GPR39: variants seen among roughly 807,000 people sequenced by gnomAD.
The protein encoded by GPR39 is G protein-coupled receptor 39.
In GPR39, 23 loss-of-function variants were observed where a neutral mutation model predicts 18.4. That is an observed-to-expected ratio of 1.25 (90% CI 0.90 to 1.77). GPR39 has a LOEUF of 1.77. GPR39 is among the 40% of genes most tolerant of loss of function. The pLI is 0.00. For missense variants in GPR39, 647 were observed against 602.4 expected (o/e 1.07, Z -0.78); for synonymous variants, 280 against 257.9 (o/e 1.09, Z -0.82).
chr2:132,489,974 A>G (rs1226798923), intron 1 of GPR39, among the ~76,000 whole-genome samples: 2 of 151,768 alleles, frequency 1.3e-5, no homozygotes, highest in Non-Finnish European at 2.9e-5. Context: ...GAGAGAGTTT[A>G]TGGTGAGCAG....
At chr2:132,427,139 TATATA>T (rs1449880887) in intron 1 of GPR39, among the ~76,000 whole-genome samples, 3 of 78,150 alleles carry the variant, frequency 3.8e-5, no homozygotes, top group African/African-American at 2.1e-4. Flanking sequence ...TACATATATA[TATATA>T]TATATATATA....
chr2:132,630,718 T>G (rs77482090), intron 1 of GPR39, among the ~76,000 whole-genome samples: 1,974 of 151,772 alleles, frequency 0.013, 47 homozygotes, highest in African/African-American at 0.045. Flanking sequence ...GTGGGAATGG[T>G]GAGAAAGGGA....
At chr2:132,453,818 C>G (rs1379034815) in intron 1 of GPR39, among the ~76,000 whole-genome samples, 5 of 152,134 alleles carry the variant, frequency 3.3e-5, no homozygotes, top group African/African-American at 1.2e-4. Context: ...TCTGAGGCCT[C>G]TCTTCTGTTT....
chr2:132,542,518 A>G (rs1679879700), intron 1 of GPR39, among the ~76,000 whole-genome samples: 1 of 152,162 alleles, frequency 6.6e-6, no homozygotes, highest in Non-Finnish European at 1.5e-5. Context: ...TGAAAAATGC[A>G]AGGTCAAGGA....
At chr2:132,506,970 A>G (rs1679145465) in intron 1 of GPR39, among the ~76,000 whole-genome samples, 1 of 151,952 alleles carries the variant, frequency 6.6e-6, no homozygotes, top group Non-Finnish European at 1.5e-5. Context: ...TAAGCCTTTA[A>G]TCTATCTTGA....
intron 1 of GPR39, among the ~76,000 whole-genome samples, chr2:132,588,426 G>A (rs1680769392): frequency 6.6e-6 from 1 of 152,138 alleles, no homozygotes; most frequent in African/African-American, 2.4e-5. Context: ...GTTAAGGCAG[G>A]GCACAGTGAG....
At chr2:132,644,363 A>G (rs1353036071) in intron 1 of GPR39, among the ~76,000 whole-genome samples, 1 of 152,228 alleles carries the variant, frequency 6.6e-6, no homozygotes, top group Non-Finnish European at 1.5e-5. Context: ...GGAAGGGAAC[A>G]TGTTACTGGC....
At chr2:132,537,535 T>C (rs558163154) in intron 1 of GPR39, among the ~76,000 whole-genome samples, 28 of 150,400 alleles carry the variant, frequency 1.9e-4, no homozygotes, top group African/African-American at 6.3e-4. Context: ...CCTTGGAGAA[T>C]CTGATGATTA....
At chr2:132,477,321 G>A (rs1681148497) in intron 1 of GPR39, among the ~76,000 whole-genome samples, 1 of 152,174 alleles carries the variant, frequency 6.6e-6, no homozygotes. Context: ...CTCAGGTGGA[G>A]CATTCAGAGG....
intron 1 of GPR39, among the ~76,000 whole-genome samples, chr2:132,560,715 C>T (rs550513649): frequency 6.6e-6 from 1 of 152,280 alleles, no homozygotes; most frequent in Admixed American, 6.5e-5. Flanking sequence ...TTCCTCCATC[C>T]AGTCCTCACC....
intron 1 of GPR39, among the ~76,000 whole-genome samples, chr2:132,632,700 A>G (rs988401688): frequency 2.6e-5 from 4 of 152,248 alleles, no homozygotes; most frequent in African/African-American, 7.2e-5. Context: ...AGCAGTGGCC[A>G]CCTCATGGAG....
rs138131239 is a variant in GPR39, at chr2:132,431,227, C to T, written c.856+13329C>T. Among the ~76,000 whole-genome samples the T allele has an allele frequency of 5.3e-3, 814 of 152,322 alleles. 3 individuals are homozygous for T. Among genetic ancestry groups the T allele is most frequent in the African/African-American group, 0.018 (731 of 41,574 alleles). On this transcript the variant is annotated intron_variant, in intron 1 of 1. Transcript: ENST00000329321. Reference sequence around the variant, plus strand: ...TGGAAAACAAAGATCTCTGGCTGTGCTTCAGCATCAGATGCAACACCTATT... The same window carrying T: ...TGGAAAACAAAGATCTCTGGCTGTGTTTCAGCATCAGATGCAACACCTATT...
At chr2:132,598,872 C>T (rs895331425) in intron 1 of GPR39, among the ~76,000 whole-genome samples, 3 of 152,012 alleles carry the variant, frequency 2.0e-5, no homozygotes, top group South Asian at 2.1e-4. Flanking sequence ...CTCAAAGCAT[C>T]GAGAATGTAA....
chr2:132,560,950 T>C (rs1680241492), intron 1 of GPR39, among the ~76,000 whole-genome samples: 1 of 126,232 alleles, frequency 7.9e-6, no homozygotes, highest in Non-Finnish European at 1.6e-5. Context: ...CTCACTCTGT[T>C]GCCCAGGCTG....
At chr2:132,560,890 G>GT (rs951338788) in intron 1 of GPR39, among the ~76,000 whole-genome samples, 110 of 147,348 alleles carry the variant, frequency 7.5e-4, no homozygotes, top group Middle Eastern at 3.5e-3. Context: ...CTCACATTTT[G>GT]TTTTTTTTTG....
chr2:132,502,422 G>A (rs4954332), intron 1 of GPR39, among the ~76,000 whole-genome samples: 73,234 of 151,956 alleles, frequency 0.48, 18,397 homozygotes, highest in Non-Finnish European at 0.52. Context: ...TCTAGCTTGT[G>A]GGGCTGAGAA....
intron 1 of GPR39, among the ~76,000 whole-genome samples, chr2:132,557,422 CA>C (rs1680172088): frequency 6.6e-6 from 1 of 152,116 alleles, no homozygotes; most frequent in African/African-American, 2.4e-5. Context: ...TCATGAGTTC[CA>C]ACTTTGAATT....
intron 1 of GPR39, among the ~76,000 whole-genome samples, chr2:132,575,922 C>A (rs1399825916): frequency 1.3e-5 from 2 of 152,034 alleles, no homozygotes; most frequent in East Asian, 3.9e-4. Flanking sequence ...GTAAAGGAGA[C>A]CCCAGAGGAC....
At chr2:132,487,478 G>A (rs145286110) in intron 1 of GPR39, among the ~76,000 whole-genome samples, 266 of 152,264 alleles carry the variant, frequency 1.7e-3, no homozygotes, top group Non-Finnish European at 1.9e-3. Context: ...AAGCATTCCT[G>A]TGTCAGTATT....
Sources: gnomAD v4.1 joint callset for allele counts (sites outside exome capture counted in the v4.1 genomes callset) on GRCh38, gnomAD v4.1.1 for gene constraint, MANE v1.5 for transcripts, NCBI Gene and HGNC (gene_info 2026-07-23, HGNC 2026-07-21) for gene names.